The following MYT1L variants were observed in gnomAD, a reference collection of about 807,000 sequenced individuals.
MYT1L encodes the protein myelin transcription factor 1-like protein.
In MYT1L, 12 loss-of-function variants were observed where a neutral mutation model predicts 126.7. The observed-to-expected ratio is 0.09, with a 90% CI of 0.06 to 0.15. The LOEUF is 0.15. Among genes scored for constraint, MYT1L ranks in the 10% least tolerant of loss-of-function variants. MYT1L has a pLI of 1.00. For missense variants in MYT1L, 979 were observed against 1,585.2 expected, an observed-to-expected ratio of 0.62 and a Z score of 6.49; for synonymous variants, 541 against 604.2, an observed-to-expected ratio of 0.90 and a Z score of 1.53.
intron 2 of MYT1L, among the ~76,000 whole-genome samples, chr2:2,218,256 G>A (rs2093751477): frequency 6.6e-6 from 1 of 152,022 alleles, no homozygotes; most frequent in Non-Finnish European, 1.5e-5. Flanking sequence ...ATACAGAAAC[G>A]TTTACATTAA....
At chr2:2,110,654 C>G (rs144965027) in intron 3 of MYT1L, among the ~76,000 whole-genome samples, 216 of 151,804 alleles carry the variant, frequency 1.4e-3, no homozygotes, top group South Asian at 2.9e-3. Flanking sequence ...CCTCTGCCAC[C>G]CTGTCTGGTA....
intron 3 of MYT1L, among the ~76,000 whole-genome samples, chr2:2,171,612 T>A (rs1293872455): frequency 6.6e-6 from 1 of 151,202 alleles, no homozygotes; most frequent in Non-Finnish European, 1.5e-5. Flanking sequence ...TGTTTTTTTC[T>A]TTTTGTCGTC....
intron 1 of MYT1L, among the ~76,000 whole-genome samples, chr2:2,329,805 C>T (rs950752551): frequency 6.6e-6 from 1 of 152,100 alleles, no homozygotes; most frequent in African/African-American, 2.4e-5. Flanking sequence ...AAGCAATTAA[C>T]TTACTGCATT....
At chr2:2,298,928 C>T (rs1490570798) in intron 1 of MYT1L, among the ~76,000 whole-genome samples, 1 of 152,220 alleles carries the variant, frequency 6.6e-6, no homozygotes, top group Non-Finnish European at 1.5e-5. Flanking sequence ...TCTCGGCTCA[C>T]TGCAACCTCT....
intron 4 of MYT1L, among the ~76,000 whole-genome samples, chr2:2,048,274 G>T: frequency 6.6e-6 from 1 of 152,140 alleles, no homozygotes; most frequent in Non-Finnish European, 1.5e-5. Flanking sequence ...AAAGAATTCT[G>T]ATGAGGTCAG....
At chr2:2,243,466 C>T (rs573841607) in intron 2 of MYT1L, among the ~76,000 whole-genome samples, 68 of 152,198 alleles carry the variant, frequency 4.5e-4, no homozygotes, top group Non-Finnish European at 8.1e-4. Context: ...AACAGGGGCA[C>T]AAACTAATTG....
intron 3 of MYT1L, among the ~76,000 whole-genome samples, chr2:2,088,759 G>C (rs1379970849): frequency 1.3e-5 from 2 of 152,108 alleles, no homozygotes; most frequent in Admixed American, 1.3e-4. Context: ...TACTTTTAAA[G>C]AAAGAATGCA....
chr2:2,005,431 T>TGCCTTCTTTCCTGC (rs2063164037), intron 4 of MYT1L, among the ~76,000 whole-genome samples: 1 of 135,390 alleles, frequency 7.4e-6, no homozygotes, highest in Admixed American at 7.5e-5. Context: ...TTCTTTCCTG[T>TGCCTTCTTTCCTGC]GTGCCTTCTT....
chr2:2,184,736 A>C (rs1376012176), intron 2 of MYT1L, among the ~76,000 whole-genome samples: 1 of 152,046 alleles, frequency 6.6e-6, no homozygotes, highest in Non-Finnish European at 1.5e-5. Context: ...CAGCTGTGGG[A>C]GGAAAGCTCT....
intron 2 of MYT1L, among the ~76,000 whole-genome samples, chr2:2,281,806 A>G (rs1470760213): frequency 6.6e-6 from 1 of 152,214 alleles, no homozygotes. Flanking sequence ...CCTATTATAA[A>G]ACTGAATAAT....
chr2:2,295,083 T>G (rs1379266143), intron 1 of MYT1L, among the ~76,000 whole-genome samples: 1 of 152,032 alleles, frequency 6.6e-6, no homozygotes, highest in Non-Finnish European at 1.5e-5. Context: ...TGGTGTGAAA[T>G]CTATGATCCG....
At chr2:2,101,598 C>G (rs1317992909) in intron 3 of MYT1L, among the ~76,000 whole-genome samples, 1 of 151,782 alleles carries the variant, frequency 6.6e-6, no homozygotes, top group Non-Finnish European at 1.5e-5. Context: ...TCCATCCAAC[C>G]ACGCACCCTT....
At chr2:1,959,277 A>G (rs2058765151) in intron 8 of MYT1L, among the ~76,000 whole-genome samples, 1 of 152,228 alleles carries the variant, frequency 6.6e-6, no homozygotes, top group Admixed American at 6.5e-5. Flanking sequence ...AGATACAGCC[A>G]GGAACGAACA....
At chr2:2,162,385 C>T (rs185685542) in intron 3 of MYT1L, among the ~76,000 whole-genome samples, 25 of 152,074 alleles carry the variant, frequency 1.6e-4, no homozygotes, top group Non-Finnish European at 2.9e-4. Flanking sequence ...ACAGTGCCCG[C>T]GGTCCACAGA....
At chr2:2,004,954 G>C (rs1215451622) in intron 4 of MYT1L, among the ~76,000 whole-genome samples, 1 of 149,962 alleles carries the variant, frequency 6.7e-6, no homozygotes, top group Non-Finnish European at 1.5e-5. Context: ...GTTCTTTCCT[G>C]CATGCGTTCT....
At chr2:2,322,178 A>G (rs1186791939) in intron 1 of MYT1L, among the ~76,000 whole-genome samples, 1 of 150,328 alleles carries the variant, frequency 6.7e-6, no homozygotes, top group Admixed American at 6.6e-5. Flanking sequence ...TTTTTCTTTC[A>G]CAATCAGTGG....
intron 3 of MYT1L, among the ~76,000 whole-genome samples, chr2:2,166,879 G>T (rs1043730851): frequency 6.6e-6 from 1 of 152,060 alleles, no homozygotes; most frequent in African/African-American, 2.4e-5. Context: ...TCATAGTTTT[G>T]CTTCTCTTCT....
At chr2:2,229,700 T>C (rs920785497) in intron 2 of MYT1L, among the ~76,000 whole-genome samples, 2 of 152,088 alleles carry the variant, frequency 1.3e-5, no homozygotes, top group Non-Finnish European at 2.9e-5. Flanking sequence ...GGCACTGTGT[T>C]CAGAATTCTA....
At chr2:2,011,081 T>G (rs554667157) in intron 4 of MYT1L, among the ~76,000 whole-genome samples, 25 of 152,244 alleles carry the variant, frequency 1.6e-4, no homozygotes, top group Admixed American at 1.6e-3. Flanking sequence ...AGACCCAAAC[T>G]TGGATCCATA....
Sources: gnomAD v4.1 joint callset for allele counts (sites outside exome capture counted in the v4.1 genomes callset) on GRCh38, gnomAD v4.1.1 for gene constraint, MANE v1.5 for transcripts, NCBI Gene and HGNC (gene_info 2026-07-23, HGNC 2026-07-21) for gene names.